Variants in LRRC1 observed in about 807,000 individuals in gnomAD.
LRRC1 encodes the protein leucine rich repeat containing 1, also known as leucine-rich repeat-containing protein 1.
A neutral mutation model predicts 69.9 loss-of-function variants in LRRC1; 28 were observed. That is an observed-to-expected ratio of 0.40 (90% CI 0.30 to 0.55). The LOEUF (loss-of-function observed/expected upper bound fraction) is 0.55, where lower values mean the gene tolerates loss of function less well. LRRC1 is among the 20% of genes least tolerant of loss of function. The probability of loss-of-function intolerance (pLI) is 0.47; values close to 1 mark genes in which losing one functional copy is unlikely to be tolerated. For missense variants in LRRC1, 498 were observed against 609.0 expected, an observed-to-expected ratio of 0.82 and a Z score of 1.92; for synonymous variants, 236 against 240.2, an observed-to-expected ratio of 0.98 and a Z score of 0.16.
intron 2 of LRRC1, among the ~76,000 whole-genome samples, chr6:53,847,574 A>G (rs535396302): frequency 1.3e-5 from 2 of 152,364 alleles, no homozygotes; most frequent in African/African-American, 2.4e-5. Flanking sequence ...TACAATCATC[A>G]CTATCATCAG....
chr6:53,825,255 T>G (rs1765224823), intron 1 of LRRC1, among the ~76,000 whole-genome samples: 1 of 152,210 alleles, frequency 6.6e-6, no homozygotes, highest in African/African-American at 2.4e-5. Context: ...TATGTAATGA[T>G]GGAGGTGTGC....
chr6:53,883,470 G>T (rs1767368272), intron 4 of LRRC1, among the ~76,000 whole-genome samples: 1 of 152,222 alleles, frequency 6.6e-6, no homozygotes, highest in Non-Finnish European at 1.5e-5. Flanking sequence ...TGGGAGTGGA[G>T]CTGGGAGAGG....
At chr6:53,850,453 A>G (rs914962318) in intron 2 of LRRC1, among the ~76,000 whole-genome samples, 1 of 152,222 alleles carries the variant, frequency 6.6e-6, no homozygotes, top group African/African-American at 2.4e-5. Context: ...AGTCAACAAT[A>G]TCATTAAAAA....
intron 4 of LRRC1, among the ~76,000 whole-genome samples, chr6:53,888,749 G>A (rs1767576455): frequency 6.6e-6 from 1 of 152,172 alleles, no homozygotes; most frequent in South Asian, 2.1e-4. Context: ...AGCTAAAACT[G>A]TAAAAGTCCT....
intron 2 of LRRC1, among the ~76,000 whole-genome samples, chr6:53,844,094 G>A (rs974100826): frequency 7.9e-5 from 12 of 152,142 alleles, no homozygotes; most frequent in African/African-American, 2.7e-4. Flanking sequence ...ACTGGAGTAT[G>A]GGGTGGGGTG....
intron 11 of LRRC1, among the ~76,000 whole-genome samples, chr6:53,917,110 G>A (rs1281946813): frequency 1.3e-5 from 2 of 152,162 alleles, no homozygotes; most frequent in East Asian, 1.9e-4. Context: ...TGGAAAGCAG[G>A]AATGTATTTC....
intron 10 of LRRC1, chr6:53,905,328 T>A (rs1374871401): frequency 1.8e-5 from 2 of 112,822 alleles, no homozygotes; most frequent in African/African-American, 7.5e-5. Flanking sequence ...AGCGAGACTC[T>A]ATCTCAAAAA....
chr6:53,796,841 C>T (rs890100942), intron 1 of LRRC1, among the ~76,000 whole-genome samples: 6 of 152,084 alleles, frequency 3.9e-5, no homozygotes, highest in Non-Finnish European at 8.8e-5. Flanking sequence ...TTTTTCTGGC[C>T]TTTTACGTCC....
intron 9 of LRRC1, among the ~76,000 whole-genome samples, chr6:53,903,444 C>T (rs986045993): frequency 5.9e-5 from 9 of 152,184 alleles, no homozygotes; most frequent in African/African-American, 1.9e-4. Flanking sequence ...TCAGTTGTCA[C>T]TTCTCCTTCC....
chr6:53,857,485 A>G (rs748497032), intron 2 of LRRC1, among the ~76,000 whole-genome samples: 1 of 152,230 alleles, frequency 6.6e-6, no homozygotes, highest in Non-Finnish European at 1.5e-5. Context: ...GGCATAACCT[A>G]TAGAAAGGCA....
intron 2 of LRRC1, among the ~76,000 whole-genome samples, chr6:53,847,927 C>A (rs919028990): frequency 6.6e-6 from 1 of 152,138 alleles, no homozygotes; most frequent in Non-Finnish European, 1.5e-5. Context: ...TACACACACA[C>A]CAGAAGTGTG....
At chr6:53,918,736 C>T (rs1237623561) in intron 11 of LRRC1, among the ~76,000 whole-genome samples, 1 of 152,124 alleles carries the variant, frequency 6.6e-6, no homozygotes, top group Non-Finnish European at 1.5e-5. Flanking sequence ...TGATTGCAGC[C>T]AATCTGTGAA....
intron 9 of LRRC1, among the ~76,000 whole-genome samples, chr6:53,903,056 G>A (rs1768109503): frequency 6.6e-6 from 1 of 152,142 alleles, no homozygotes; most frequent in Admixed American, 6.5e-5. Flanking sequence ...CCCAGCTGTG[G>A]TGCCCAGAGA....
chr6:53,809,274 G>T (rs1764723804), intron 1 of LRRC1, among the ~76,000 whole-genome samples: 1 of 152,218 alleles, frequency 6.6e-6, no homozygotes, highest in South Asian at 2.1e-4. Flanking sequence ...ACATATTTCA[G>T]TACTGTTATA....
At chr6:53,840,491 A>G (rs1198577580) in intron 1 of LRRC1, among the ~76,000 whole-genome samples, 4 of 151,760 alleles carry the variant, frequency 2.6e-5, no homozygotes, top group African/African-American at 9.7e-5. Context: ...TATTGGTCGC[A>G]TGGTGGGCCC....
chr6:53,800,541 C>A (rs1444210229), intron 1 of LRRC1, among the ~76,000 whole-genome samples: 1 of 151,572 alleles, frequency 6.6e-6, no homozygotes, highest in Non-Finnish European at 1.5e-5. Context: ...CATGAGTCAC[C>A]ATGCCCGGCC....
At chr6:53,828,554 G>T (rs1765338274) in intron 1 of LRRC1, among the ~76,000 whole-genome samples, 1 of 152,242 alleles carries the variant, frequency 6.6e-6, no homozygotes, top group South Asian at 2.1e-4. Flanking sequence ...GCAGTAAGAT[G>T]CTGAGCCTCC....
rs184499344 is a variant in LRRC1, at chr6:53,902,540, A to T, written c.788-89A>T. ...AAAATAAGTAACTGTTTAAAACAAA[A>T]AGAACAGCAGATAGGAAATTCCAAG... On this transcript the variant is annotated intron_variant, in intron 8 of 13. Coordinates refer to ENST00000370888, the MANE Select transcript of LRRC1 (RefSeq NM_018214.5). 1.9e-4 allele frequency: 139 copies of T among 747,594 alleles called. No individual in the cohort carries two copies. In the East Asian group the frequency reaches 3.6e-3, roughly 19 times the overall value. 46.3% of individuals were successfully genotyped at this position (747,594 alleles called of 1,614,324 possible).
At chr6:53,839,802 TC>T (rs1356779545) in intron 1 of LRRC1, among the ~76,000 whole-genome samples, 42 of 152,188 alleles carry the variant, frequency 2.8e-4, no homozygotes, top group Non-Finnish European at 5.9e-5. Flanking sequence ...CTTTATATTT[TC>T]CCTGGAATTA....
Sources: gnomAD v4.1 joint callset for allele counts (sites outside exome capture counted in the v4.1 genomes callset) on GRCh38, gnomAD v4.1.1 for gene constraint, MANE v1.5 for transcripts, NCBI Gene and HGNC (gene_info 2026-07-23, HGNC 2026-07-21) for gene names.